Variants in NRXN1 observed in about 807,000 individuals in gnomAD.
NRXN1 encodes neurexin 1.
In NRXN1, 39 loss-of-function variants were observed where a neutral mutation model predicts 150.9. That is an observed-to-expected ratio of 0.26 (90% CI 0.20 to 0.34). The LOEUF (loss-of-function observed/expected upper bound fraction) is 0.34, where lower values mean the gene tolerates loss of function less well. NRXN1 is among the 10% of genes least tolerant of loss of function. The probability of loss-of-function intolerance (pLI) is 1.00; values close to 1 mark genes in which losing one functional copy is unlikely to be tolerated. For missense variants in NRXN1, 1,815 were observed against 1,949.9 expected, an observed-to-expected ratio of 0.93 and a Z score of 1.30; for synonymous variants, 924 against 757.0, an observed-to-expected ratio of 1.22 and a Z score of -3.62.
intron 18 of NRXN1, among the ~76,000 whole-genome samples, chr2:50,219,962 AT>A (rs1241795667): frequency 1.9e-4 from 14 of 74,430 alleles, no homozygotes; most frequent in East Asian, 8.8e-4. Flanking sequence ...TAATATATAT[AT>A]TATATATATA....
intron 9 of NRXN1, among the ~76,000 whole-genome samples, chr2:50,546,056 C>A (rs925702665): frequency 4.0e-5 from 6 of 151,884 alleles, no homozygotes; most frequent in African/African-American, 7.3e-5. Context: ...GATGCAAAAC[C>A]CACAAAAAAT....
intron 8 of NRXN1, among the ~76,000 whole-genome samples, chr2:50,591,823 C>T (rs1186899064): frequency 6.6e-6 from 1 of 152,210 alleles, no homozygotes; most frequent in African/African-American, 2.4e-5. Context: ...AAGTTAGGCG[C>T]CCTTCAGCGA....
At chr2:50,199,680 G>A (rs191656775) in intron 18 of NRXN1, among the ~76,000 whole-genome samples, 3 of 152,124 alleles carry the variant, frequency 2.0e-5, no homozygotes, top group African/African-American at 7.2e-5. Context: ...TCAGTGAATT[G>A]TTTCCAAGAG....
intron 17 of NRXN1, among the ~76,000 whole-genome samples, chr2:50,411,358 C>G (rs571680624): frequency 6.6e-6 from 1 of 152,092 alleles, no homozygotes; most frequent in Non-Finnish European, 1.5e-5. Flanking sequence ...AGTGCAGTGG[C>G]GTGATCTCGG....
At chr2:49,932,508 TTCCTTTCCTTCC>T (rs1670310374) in intron 22 of NRXN1, among the ~76,000 whole-genome samples, 1 of 152,058 alleles carries the variant, frequency 6.6e-6, no homozygotes, top group Non-Finnish European at 1.5e-5. Context: ...CCTTTCTCCT[TTCCTTTCCTTCC>T]TCCTTTCCAA....
At chr2:50,406,256 A>T (rs2082742965) in intron 17 of NRXN1, among the ~76,000 whole-genome samples, 1 of 152,166 alleles carries the variant, frequency 6.6e-6, no homozygotes, top group Admixed American at 6.5e-5. Flanking sequence ...ACAAGATGGA[A>T]CTTTTAAGAG....
At chr2:49,955,253 T>G (rs995015177) in intron 21 of NRXN1, among the ~76,000 whole-genome samples, 1 of 152,116 alleles carries the variant, frequency 6.6e-6, no homozygotes, top group Admixed American at 6.6e-5. Context: ...TGAACAAGTA[T>G]AGATTATTTT....
intron 18 of NRXN1, among the ~76,000 whole-genome samples, chr2:50,132,108 C>T (rs1050822042): frequency 3.3e-5 from 5 of 152,018 alleles, no homozygotes; most frequent in South Asian, 2.1e-4. Flanking sequence ...TGACCTCAAG[C>T]GTATTTTGCT....
intron 5 of NRXN1, among the ~76,000 whole-genome samples, chr2:50,903,896 T>C (rs1683295240): frequency 6.6e-6 from 1 of 152,214 alleles, no homozygotes; most frequent in South Asian, 2.1e-4. Flanking sequence ...AAACGCCGGC[T>C]GTAGCCCTGA....
intron 17 of NRXN1, among the ~76,000 whole-genome samples, chr2:50,371,573 A>T (rs972591132): frequency 1.3e-5 from 2 of 152,030 alleles, no homozygotes; most frequent in African/African-American, 2.4e-5. Flanking sequence ...AGGTTAATTA[A>T]ATTATAGACC....
intron 18 of NRXN1, among the ~76,000 whole-genome samples, chr2:50,128,983 CAATAAATAAATA>C (rs1553641018): frequency 2.6e-4 from 38 of 146,904 alleles, no homozygotes; most frequent in Non-Finnish European, 4.2e-4. Flanking sequence ...GACTCCATCT[CAATAAATAAATA>C]AATAAATAAA....
At chr2:50,151,924 AG>A (rs1398921623) in intron 18 of NRXN1, among the ~76,000 whole-genome samples, 1 of 151,866 alleles carries the variant, frequency 6.6e-6, no homozygotes, top group Non-Finnish European at 1.5e-5. Context: ...TTAAGCAGCT[AG>A]AGAAAATGAT....
chr2:50,753,969 G>GC (rs1489455662), intron 5 of NRXN1, among the ~76,000 whole-genome samples: 1 of 141,522 alleles, frequency 7.1e-6, no homozygotes, highest in East Asian at 2.3e-4. Context: ...TTTTTTGGGG[G>GC]GGGGCGGAAT....
At chr2:50,940,159 G>C (rs1205477685) in intron 2 of NRXN1, among the ~76,000 whole-genome samples, 9 of 152,068 alleles carry the variant, frequency 5.9e-5, no homozygotes, top group Non-Finnish European at 2.9e-5. Flanking sequence ...CAGTTTAAGA[G>C]ATTTAATATT....
chr2:50,044,779 A>G (rs545594721), intron 21 of NRXN1, among the ~76,000 whole-genome samples: 24 of 152,368 alleles, frequency 1.6e-4, no homozygotes, highest in Non-Finnish European at 3.2e-4. Flanking sequence ...CAAGAATAGC[A>G]TAATAATACC....
chr2:50,816,977 T>G (rs1225917313), intron 5 of NRXN1, among the ~76,000 whole-genome samples: 1 of 152,092 alleles, frequency 6.6e-6, no homozygotes, highest in Non-Finnish European at 1.5e-5. Context: ...TTAGGAGGAC[T>G]CTCAGGCTAT....
chr2:50,517,581 C>T (rs1459562839), intron 12 of NRXN1, among the ~76,000 whole-genome samples: 1 of 152,122 alleles, frequency 6.6e-6, no homozygotes, highest in Non-Finnish European at 1.5e-5. Flanking sequence ...GTAACCCCTA[C>T]AGTTGGAGAA....
At chr2:50,199,732 T>C (rs2062029224) in intron 18 of NRXN1, among the ~76,000 whole-genome samples, 1 of 152,102 alleles carries the variant, frequency 6.6e-6, no homozygotes, top group South Asian at 2.1e-4. Flanking sequence ...ATGTTTGGCA[T>C]CATTTTGGGG....
At chr2:50,617,327 T>C (rs1369944486) in intron 8 of NRXN1, among the ~76,000 whole-genome samples, 1 of 151,780 alleles carries the variant, frequency 6.6e-6, no homozygotes, top group Non-Finnish European at 1.5e-5. Context: ...CCCAGCTAAC[T>C]TGGGAAGCTA....
Sources: allele counts gnomAD v4.1 joint callset (sites outside exome capture counted in the v4.1 genomes callset), GRCh38; gene constraint gnomAD v4.1.1; transcripts MANE v1.5; gene names NCBI Gene and HGNC (gene_info 2026-07-23, HGNC 2026-07-21).